WDCP: variants seen among roughly 807,000 people sequenced by gnomAD.
WDCP encodes the protein WD repeat and coiled-coil-containing protein.
A neutral mutation model predicts 41.6 loss-of-function variants in WDCP; 19 were observed. That is an observed-to-expected ratio of 0.46 (90% CI 0.32 to 0.67). The LOEUF is 0.67. Among genes scored for constraint, WDCP ranks in the 30% least tolerant of loss-of-function variants. The pLI, the probability that WDCP is intolerant of heterozygous loss-of-function variation, is 0.04. For synonymous variants in WDCP, 302 were observed against 320.8 expected (o/e 0.94, Z 0.63); for missense variants, 802 against 850.7 (o/e 0.94, Z 0.71).
At chr2:24,040,090 C>T (rs994353555) in intron 1 of WDCP, among the ~76,000 whole-genome samples, 3 of 152,190 alleles carry the variant, frequency 2.0e-5, no homozygotes, top group East Asian at 3.9e-4. Flanking sequence ...CATGAGCTCC[C>T]GCGCCCGGCC....
Position 24,035,437 on chromosome 2 carries a change from AGGGT to A in WDCP, c.1818+2236_1818+2239del, listed in dbSNP as rs1663214533. Among the ~76,000 whole-genome samples, 11 of 152,300 alleles carry A rather than the reference AGGGT, an allele frequency of 7.2e-5. 1 individual carries two copies. Among genetic ancestry groups the A allele is most frequent in the African/African-American group, 2.6e-4 (11 of 41,574 alleles). On this transcript the variant is annotated intron_variant, in intron 2 of 3. Transcript: ENST00000295148. ...AAAGGAGAACAGGCTGAAGAAACAT[AGGGT>A]AGGAATAAGAGTTCTTGGTATACAG...
In WDCP at chr2:24,038,325, C is replaced by T; in HGVS notation, c.1170G>A (p.Gly390=). The T allele has an allele frequency of 1.2e-6, 2 of 1,614,160 alleles. No homozygotes were observed. The highest frequency in any genetic ancestry group is 1.3e-5 in the African/African-American group (1 of 75,052). The part of the protein sequence containing the change: ...IRLENTERPK[G]ICFLTDQLLL... ...ATAGTTGGTCTGTCAAGAAACATAT[C>T]CCTTTTGGTCTTTCAGTGTTCTCTA... Residue 390 remains glycine, a synonymous_variant, in exon 2 of 4, where the codon GGG becomes GGA. Coordinates refer to ENST00000295148, the MANE Select transcript of WDCP (RefSeq NM_025203.3).
Position 24,037,685 on chromosome 2 carries a change from T to G in WDCP, c.1810A>C (p.Ile604Leu), listed in dbSNP as rs775986747. ...LSQDLPYVHI[I>L]YQKPYYLGPV... ...CTCAAAGGAGAATTTACCTGGTAAATGATGTGAACATAAGGAAGATCTTGA... is the reference window on the plus strand; with the variant it reads ...CTCAAAGGAGAATTTACCTGGTAAAGGATGTGAACATAAGGAAGATCTTGA... Residue 604 changes from isoleucine to leucine, a missense_variant, in exon 2 of 4, where the codon ATT (isoleucine) becomes CTT (leucine). Physicochemically the swap from Ile to Leu is conservative, Grantham distance 5 (BLOSUM62 2). This residue lies in a region of WDCP where 321 missense variants were observed against 305.1 expected (regional missense o/e 1.05). Transcript: ENST00000295148. The G allele has an allele frequency of 6.2e-7, 1 of 1,608,350 alleles. No individual in the cohort carries two copies. The highest frequency in any genetic ancestry group is 1.7e-5 in the Admixed American group (1 of 59,204).
rs1344792469 is a variant in WDCP, at chr2:24,030,133, G to C, written c.*800C>G. The C allele has an allele frequency of 6.6e-6, 1 of 151,122 alleles. No homozygotes were observed. The highest frequency in any genetic ancestry group is 1.5e-5 in the Non-Finnish European group (1 of 67,822). The allele number at this position is 151,122 out of a possible 1,614,324, so 9.4% of individuals were successfully genotyped here. The stretch of plus-strand genomic sequence containing the variant: ...GGAAAGTTGCGTGATCCCAAAACTG[G>C]ATTTAAAAAAAAAAAAAGTTATTTC... On this transcript the variant is annotated 3_prime_UTR_variant, in exon 4 of 4. Transcript: ENST00000295148.
chr2:24,039,135 C>A lies in WDCP; in HGVS notation c.360G>T (p.Val120=). The A allele has an allele frequency of 6.2e-7, 1 of 1,614,226 alleles. No homozygotes were observed. Among genetic ancestry groups the A allele is most frequent in the Non-Finnish European group, 8.5e-7 (1 of 1,180,050 alleles). ...GSLPILPQGC[V]WHPKCAILTV... Reference sequence around the variant, plus strand: ...TCAGAATAGCACATTTTGGGTGCCACACACAGCCCTGGGGAAGGATAGGTA... The same window carrying A: ...TCAGAATAGCACATTTTGGGTGCCAAACACAGCCCTGGGGAAGGATAGGTA... Residue 120 remains valine, a synonymous_variant, in exon 2 of 4, where the codon GTG becomes GTT. Coordinates refer to ENST00000295148, the MANE Select transcript of WDCP (RefSeq NM_025203.3).
At chr2:24,044,794 G>A (rs903473246) in intron 1 of WDCP, among the ~76,000 whole-genome samples, 1 of 135,990 alleles carries the variant, frequency 7.4e-6, no homozygotes, top group African/African-American at 2.7e-5. Context: ...TGCATACTAT[G>A]TGTTGTTGGG....
chr2:24,032,795 T>G, intron 3 of WDCP, 34 bp downstream of exon 3: 1 of 1,222,654 alleles, frequency 8.2e-7, no homozygotes. Flanking sequence ...GAGGCAAGGA[T>G]GTTAGCTAGG....
chr2:24,033,224 T>G (rs780174693), intron 2 of WDCP: 4 of 534,960 alleles, frequency 7.5e-6, no homozygotes, highest in South Asian at 4.6e-5. Context: ...ACTAAAAGGA[T>G]GATGGACAGC....
chr2:24,036,507 C>T (rs1663261311), intron 2 of WDCP, among the ~76,000 whole-genome samples: 1 of 152,188 alleles, frequency 6.6e-6, no homozygotes, highest in African/African-American at 2.4e-5. Context: ...AAGTAAAAAT[C>T]TTTGAGAGGC....
In WDCP at chr2:24,037,724, C is replaced by G. The variant is rs762848759; in HGVS notation, c.1771G>C (p.Val591Leu). 6.2e-7 allele frequency: 1 copy of G among 1,614,012 alleles called. No homozygotes were observed. Among genetic ancestry groups the G allele is most frequent in the Non-Finnish European group, 8.5e-7 (1 of 1,180,022 alleles). ...RLHNGKKSSS[V>L]YPLSQDLPYV... Reference sequence around the variant, plus strand: ...GGAAGATCTTGAGAGAGTGGATACACTGAAGAGGATTTCTTCCCATTATGC... The same window carrying G: ...GGAAGATCTTGAGAGAGTGGATACAGTGAAGAGGATTTCTTCCCATTATGC... The change falls in exon 2 of 4, where the codon GTG becomes CTG. Residue 591 changes from valine to leucine, a missense_variant. This residue lies in a region of WDCP where 321 missense variants were observed against 305.1 expected (regional missense o/e 1.05). Coordinates refer to ENST00000295148, the MANE Select transcript of WDCP (RefSeq NM_025203.3).
At chr2:24,043,255 GA>G (rs1257601299) in intron 1 of WDCP, among the ~76,000 whole-genome samples, 2 of 152,214 alleles carry the variant, frequency 1.3e-5, no homozygotes, top group Non-Finnish European at 2.9e-5. Flanking sequence ...AGAATTGCTT[GA>G]ACCTGGGAGG....
At position 24,030,722 on chromosome 2, in the gene WDCP, A is replaced by G. The variant is rs922716903; in HGVS notation, c.*211T>C. On this transcript the variant is annotated 3_prime_UTR_variant, in exon 4 of 4. Transcript: ENST00000295148. ...ACCACACAGTCATGAATACATAAAC[A>G]CCACTTTCGGAGCCATCTAATAAAG... is the stretch of plus-strand genomic sequence containing the variant. The G allele has an allele frequency of 1.8e-6, 1 of 547,896 alleles. No homozygotes were observed. Among genetic ancestry groups the G allele is most frequent in the African/African-American group, 1.9e-5 (1 of 53,126 alleles). 33.9% of individuals were successfully genotyped at this position (547,896 alleles called of 1,614,324 possible). A position where few individuals can be genotyped will look rare whatever the true frequency, so the allele number is the denominator to read the frequency against.
At chr2:24,040,565 T>C (rs1663395244) in intron 1 of WDCP, among the ~76,000 whole-genome samples, 1 of 152,214 alleles carries the variant, frequency 6.6e-6, no homozygotes, top group Non-Finnish European at 1.5e-5. Flanking sequence ...CTTCATCTTA[T>C]TCAACAGCAC....
At chr2:24,035,668 G>A (rs1055228038) in intron 2 of WDCP, among the ~76,000 whole-genome samples, 10 of 151,340 alleles carry the variant, frequency 6.6e-5, no homozygotes, top group African/African-American at 1.5e-4. Context: ...TAATCCCAGC[G>A]CTTTGGGAGG....
chr2:24,032,936 T>C lies in WDCP; in HGVS notation c.1829A>G (p.Tyr610Cys). Residue 610 changes from tyrosine (Y) to cysteine (C), a missense_variant, in exon 3 of 4, where the codon TAT becomes TGT. Tyr to Cys is a radical substitution (Grantham distance 194). Around this residue, in one of 5 missense-constraint regions of WDCP, gnomAD observed 321 missense variants for 305.1 expected, o/e 1.05. Coordinates refer to ENST00000295148, the MANE Select transcript of WDCP (RefSeq NM_025203.3). Reference sequence around the variant, plus strand: ...TCTTTTTTCAACAACAGGACCTAGATAATAAGGTTTCTGCAAATAAAAAAT... The same window carrying C: ...TCTTTTTTCAACAACAGGACCTAGACAATAAGGTTTCTGCAAATAAAAAAT... The part of the protein sequence containing the change: ...YVHIIYQKPY[Y>C]LGPVVEKRAV... 6.3e-7 allele frequency: 1 copy of C among 1,596,218 alleles called. No homozygotes were observed. Among genetic ancestry groups the C allele is most frequent in the Non-Finnish European group, 8.6e-7 (1 of 1,163,874 alleles).
intron 3 of WDCP, among the ~76,000 whole-genome samples, 187 bp from the exon 4 acceptor site, chr2:24,031,349 A>T (rs1042061602): frequency 1.3e-5 from 2 of 152,122 alleles, no homozygotes; most frequent in African/African-American, 4.8e-5. Flanking sequence ...CAGGTAGGAG[A>T]AAAAGGGGAA....
chr2:24,038,338 T>C lies in WDCP; in HGVS notation c.1157A>G (p.Glu386Gly). 2 of 1,614,224 alleles carry C rather than the reference T, an allele frequency of 1.2e-6. No homozygotes were observed. The highest frequency in any genetic ancestry group is 1.7e-6 in the Non-Finnish European group (2 of 1,180,036). ...CAAGAAACATATCCCTTTTGGTCTTTCAGTGTTCTCTAATCGAATTTGCTG... is the reference window on the plus strand; with the variant it reads ...CAAGAAACATATCCCTTTTGGTCTTCCAGTGTTCTCTAATCGAATTTGCTG... Reference protein sequence around the residue: ...NIQQIRLENTERPKGICFLTD... With the variant: ...NIQQIRLENTGRPKGICFLTD... The change falls in exon 2 of 4, where the codon GAA becomes GGA. Residue 386 changes from glutamate to glycine, a missense_variant. By Grantham distance (98) the Glu-to-Gly change is moderately conservative. Coordinates refer to ENST00000295148, the MANE Select transcript of WDCP (RefSeq NM_025203.3).
At chr2:24,035,918 A>C (rs1663236456) in intron 2 of WDCP, among the ~76,000 whole-genome samples, 1 of 150,768 alleles carries the variant, frequency 6.6e-6, no homozygotes, top group Admixed American at 6.6e-5. Flanking sequence ...AGAATACAAA[A>C]ATTAGCCAGG....
chr2:24,033,372 A>C (rs1336665041), intron 2 of WDCP: 1 of 242,782 alleles, frequency 4.1e-6, no homozygotes, highest in East Asian at 1.0e-4. Context: ...TTTGCATAAA[A>C]TAAACAAACC....
Sources: gnomAD v4.1 joint callset for allele counts (sites outside exome capture counted in the v4.1 genomes callset) on GRCh38, gnomAD v4.1.1 for gene constraint, gnomAD v4.1.1 regional missense constraint, MANE v1.5 for transcripts, NCBI Gene and HGNC (gene_info 2026-07-23, HGNC 2026-07-21) for gene names.